Variants in MTG1 observed in about 807,000 individuals in gnomAD.
The protein encoded by MTG1 is mitochondrial ribosome-associated GTPase 1.
MTG1 carries 30 observed loss-of-function variants against 39.5 expected under a neutral mutation model. The ratio of observed to expected loss-of-function variants is 0.76; its 90% confidence interval spans 0.57 to 1.03. The LOEUF (loss-of-function observed/expected upper bound fraction) is 1.03. Ranked by LOEUF, MTG1 falls within the 50% of genes least tolerant of loss-of-function variation. The probability of loss-of-function intolerance (pLI) is 0.00; values close to 1 mark genes in which losing one functional copy is unlikely to be tolerated. For synonymous variants in MTG1, 217 were observed against 179.0 expected (o/e 1.21, Z -1.69); for missense variants, 513 against 447.4 (o/e 1.15, Z -1.32).
At chr10:133,415,162 G>A (rs1850103941) in intron 9 of MTG1, among the ~76,000 whole-genome samples, 1 of 151,476 alleles carries the variant, frequency 6.6e-6, no homozygotes, top group Non-Finnish European at 1.5e-5. Flanking sequence ...CGTGGAAAGA[G>A]AGGGAGAGGG....
intron 3 of MTG1, among the ~76,000 whole-genome samples, chr10:133,397,562 T>C (rs998742617): frequency 6.6e-6 from 1 of 151,446 alleles, no homozygotes; most frequent in African/African-American, 2.4e-5. Context: ...CACTGCAAGC[T>C]CTGCCTCCCG....
In MTG1 at chr10:133,402,594, C is replaced by T. The variant is rs113297110; in HGVS notation, c.671-98C>T. On this transcript the variant is annotated intron_variant, in intron 8 of 10. Coordinates refer to ENST00000317502, the MANE Select transcript of MTG1 (RefSeq NM_138384.4). This position sits in a 1 kb window ranked among gnomAD's most constrained non-coding sequence, Gnocchi z 4.7. ...AGTGGCTGGCCTCTTCCTCACGGCA[C>T]GGTGTCTTTGGGCTAGGACTGGAAG... 1.8e-3 allele frequency: 2,026 copies of T among 1,107,690 alleles called. 12 individuals carry two copies. Among genetic ancestry groups the T allele is most frequent in the African/African-American group, 0.017 (1,090 of 64,258 alleles). 68.6% of individuals were successfully genotyped at this position (1,107,690 alleles called of 1,614,324 possible). A position where few individuals can be genotyped will look rare whatever the true frequency, so the allele number is the denominator to read the frequency against.
chr10:133,412,506 T>G (rs554532518), intron 9 of MTG1, among the ~76,000 whole-genome samples: 1 of 152,256 alleles, frequency 6.6e-6, no homozygotes, highest in Non-Finnish European at 1.5e-5. Flanking sequence ...ACTTTTTCTT[T>G]TCCAGTCCAG....
rs1849885541 is a variant in MTG1 at position 133,402,057 on chromosome 10, T to C, written c.574-92T>C. The C allele has an allele frequency of 7.3e-6, 11 of 1,500,502 alleles. No individual in the cohort carries two copies. The highest frequency in any genetic ancestry group is 1.0e-5 in the Non-Finnish European group (11 of 1,084,864). 92.9% of individuals were successfully genotyped at this position (1,500,502 alleles called of 1,614,324 possible). On this transcript the variant is annotated intron_variant, in intron 7 of 10. Coordinates refer to ENST00000317502, the MANE Select transcript of MTG1 (RefSeq NM_138384.4). The surrounding 1 kb of genome is among the most constrained non-coding windows in gnomAD (Gnocchi z 4.7). ...GGTCCCTGAGGCCTTCCTCGGAGCATTGGGTGCCAGGGGCTGCCCAGGCTT... is the reference window on the plus strand; with the variant it reads ...GGTCCCTGAGGCCTTCCTCGGAGCACTGGGTGCCAGGGGCTGCCCAGGCTT...
intron 10 of MTG1, 94 bp from the exon 11 acceptor site, chr10:133,419,932 A>G (rs1233166235): frequency 1.4e-6 from 2 of 1,406,374 alleles, no homozygotes; most frequent in South Asian, 1.4e-5. Flanking sequence ...TGATGCCATC[A>G]TGGAGCCTCT....
chr10:133,399,465 G>A, intron 5 of MTG1, 64 bp from the exon 6 acceptor site: 1 of 1,525,804 alleles, frequency 6.6e-7, no homozygotes, highest in East Asian at 2.3e-5. Flanking sequence ...CCTGGGTGGG[G>A]TTGCAGAGTC....
At chr10:133,394,454 TC>T in intron 1 of MTG1, 122 bp downstream of exon 1, 1 of 1,315,058 alleles carries the variant, frequency 7.6e-7, no homozygotes, top group South Asian at 1.7e-5. Flanking sequence ...CCGCCCCTCC[TC>T]CCTTGTCTCC....
In MTG1 at chr10:133,395,705, T is replaced by C; in HGVS notation, c.113-8T>C. On this transcript the variant is annotated splice_polypyrimidine_tract_variant and splice_region_variant and intron_variant, in intron 1 of 10. Transcript: ENST00000317502. The stretch of plus-strand genomic sequence containing the variant: ...GCCCCTTCGCTGAGGCGTCCTTCTG[T>C]TTTCCAGGGCTGAAGAAGATGCAGA... 1.2e-6 allele frequency: 2 copies of C among 1,613,904 alleles called. No homozygotes were observed. Among genetic ancestry groups the C allele is most frequent in the African/African-American group, 2.7e-5 (2 of 75,038 alleles).
rs1218540783 is a variant in MTG1, at chr10:133,402,741, G to T, written c.720G>T (p.Leu240=). The change falls in exon 9 of 11, where the codon CTG becomes CTT. Residue 240 remains leucine (L), a synonymous_variant. Transcript: ENST00000317502. This position sits in a 1 kb window ranked among gnomAD's most constrained non-coding sequence, Gnocchi z 4.7. ...GGGAGGAGACCATGGCTGACTACCT[G>T]CTGTACACCCTCAACAAACACCAGC... ...LVGEETMADY[L]LYTLNKHQRF... is the part of the protein sequence containing the mutation. The T allele has an allele frequency of 6.2e-7, 1 of 1,608,464 alleles. No homozygotes were observed. The highest frequency in any genetic ancestry group is 8.5e-7 in the Non-Finnish European group (1 of 1,177,796).
At chr10:133,412,674 T>G (rs1288289301) in intron 9 of MTG1, among the ~76,000 whole-genome samples, 1 of 152,190 alleles carries the variant, frequency 6.6e-6, no homozygotes, top group Non-Finnish European at 1.5e-5. Flanking sequence ...AGTGCAGTAT[T>G]AGGTATGGGT....
intron 3 of MTG1, 123 bp from the exon 4 acceptor site, chr10:133,398,312 A>G (rs1256679004): frequency 1.2e-5 from 10 of 859,496 alleles, no homozygotes; most frequent in Admixed American, 2.5e-5. Flanking sequence ...AGGCATGAGA[A>G]TCGCTTGAAC....
rs559582315 is a variant in MTG1 at position 133,421,560 on chromosome 10, C to T, written c.*1395C>T. On this transcript the variant is annotated 3_prime_UTR_variant, in exon 11 of 11. Coordinates refer to ENST00000317502, the MANE Select transcript of MTG1 (RefSeq NM_138384.4). ...GGCCTTGGCCTGCTGGTCTTGGAGGCGTTGAGCTTGGTCTGGAAGGGGTGG... is the reference window on the plus strand; with the variant it reads ...GGCCTTGGCCTGCTGGTCTTGGAGGTGTTGAGCTTGGTCTGGAAGGGGTGG... 248 of 153,334 alleles carry T rather than the reference C, an allele frequency of 1.6e-3. No homozygotes were observed. The highest frequency in any genetic ancestry group is 3.2e-3 in the Admixed American group (49 of 15,296). 9.5% of individuals were successfully genotyped at this position (153,334 alleles called of 1,614,324 possible).
intron 1 of MTG1, chr10:133,394,650 A>C: frequency 5.0e-6 from 6 of 1,194,874 alleles, no homozygotes; most frequent in Non-Finnish European, 6.3e-6. Flanking sequence ...TGCCCTTTTA[A>C]TCCCCCGAAG....
intron 9 of MTG1, among the ~76,000 whole-genome samples, chr10:133,410,238 G>A (rs1481729142): frequency 1.3e-5 from 2 of 151,852 alleles, no homozygotes; most frequent in Non-Finnish European, 2.9e-5. Context: ...TTTATTTTTT[G>A]TAGAGGCGAG....
At chr10:133,398,268 C>T (rs890020936) in intron 3 of MTG1, among the ~76,000 whole-genome samples, 167 bp from the exon 4 acceptor site, 3 of 152,152 alleles carry the variant, frequency 2.0e-5, no homozygotes, top group Admixed American at 6.5e-5. Context: ...GGCGTGGTGG[C>T]GCATGCCTGT....
intron 2 of MTG1, 126 bp downstream of exon 2, chr10:133,395,903 T>A: frequency 1.0e-6 from 1 of 986,638 alleles, no homozygotes; most frequent in Non-Finnish European, 1.6e-6. Flanking sequence ...TCAGAATCTG[T>A]GATGTGGGGT....
At chr10:133,418,113 C>G (rs960416130) in intron 9 of MTG1, among the ~76,000 whole-genome samples, 1 of 152,342 alleles carries the variant, frequency 6.6e-6, no homozygotes, top group Non-Finnish European at 1.5e-5. Context: ...AAGCGATTCT[C>G]CCGCCTTAGC....
intron 9 of MTG1, among the ~76,000 whole-genome samples, chr10:133,404,127 A>ATTTT (rs1564820386): frequency 8.1e-5 from 5 of 61,624 alleles, no homozygotes; most frequent in African/African-American, 1.7e-4. Context: ...CTAAGTTTTA[A>ATTTT]TCTTTTTTTT....
chr10:133,415,337 T>C (rs1210593790), intron 9 of MTG1, among the ~76,000 whole-genome samples: 1 of 152,250 alleles, frequency 6.6e-6, no homozygotes, highest in African/African-American at 2.4e-5. Flanking sequence ...TAACATGTAT[T>C]GTAAGGCAGG....
Sources: gnomAD v4.1 joint callset for allele counts (sites outside exome capture counted in the v4.1 genomes callset) on GRCh38, gnomAD v4.1.1 for gene constraint, Gnocchi (gnomAD v3.1) non-coding constraint, MANE v1.5 for transcripts, NCBI Gene and HGNC (gene_info 2026-07-23, HGNC 2026-07-21) for gene names.